RBFOX1: variants seen among roughly 807,000 people sequenced by gnomAD.
RBFOX1 encodes RNA binding fox-1 homolog 1, also known as RNA binding protein fox-1 homolog 1.
A neutral mutation model predicts 57.7 loss-of-function variants in RBFOX1; 8 were observed. The ratio of observed to expected loss-of-function variants is 0.14; its 90% CI spans 0.08 to 0.25. The LOEUF (loss-of-function observed/expected upper bound fraction) is 0.25, where lower values mean the gene tolerates loss of function less well. Among genes scored for constraint, RBFOX1 ranks in the 10% least tolerant of loss-of-function variants. The probability of loss-of-function intolerance (pLI) is 1.00; values close to 1 mark genes in which losing one functional copy is unlikely to be tolerated. For missense variants in RBFOX1, 611 were observed against 548.5 expected (o/e 1.11, Z -1.14); for synonymous variants, 326 against 222.4 (o/e 1.47, Z -4.15).
chr16:7,413,494 G>C (rs1265372018), intron 4 of RBFOX1, among the ~76,000 whole-genome samples: 1 of 152,016 alleles, frequency 6.6e-6, no homozygotes, highest in Non-Finnish European at 1.5e-5. Context: ...AACACTACCA[G>C]CCTGGGGACC....
At chr16:6,185,804 A>G (rs1216036382) in intron 1 of RBFOX1, among the ~76,000 whole-genome samples, 1 of 152,190 alleles carries the variant, frequency 6.6e-6, no homozygotes, top group Non-Finnish European at 1.5e-5. Flanking sequence ...TGATAATGAC[A>G]TGGTTGATGA....
chr16:6,650,423 G>A (rs1366381639), intron 2 of RBFOX1, among the ~76,000 whole-genome samples: 1 of 152,184 alleles, frequency 6.6e-6, no homozygotes, highest in East Asian at 1.9e-4. Context: ...AGCACCTGAT[G>A]AGGGATCACT....
At chr16:7,567,203 C>CTATATATATATATCCA (rs1377915471) in intron 5 of RBFOX1, among the ~76,000 whole-genome samples, 1 of 123,344 alleles carries the variant, frequency 8.1e-6, no homozygotes, top group Non-Finnish European at 1.9e-5. Context: ...ATATATATCC[C>CTATATATATATATCCA]TATATAAATA....
intron 4 of RBFOX1, among the ~76,000 whole-genome samples, chr16:7,220,977 G>C (rs2092684151): frequency 1.3e-5 from 2 of 152,114 alleles, no homozygotes; most frequent in Admixed American, 1.3e-4. Flanking sequence ...ACCTGTCCAG[G>C]TAAGACAAGT....
At chr16:7,456,276 T>C (rs1440377450) in intron 4 of RBFOX1, among the ~76,000 whole-genome samples, 1 of 152,182 alleles carries the variant, frequency 6.6e-6, no homozygotes, top group Non-Finnish European at 1.5e-5. Context: ...GACCCCCCCT[T>C]ATACAAATAC....
chr16:5,951,479 G>GTA (rs2059519237), intron 4 of RBFOX1, among the ~76,000 whole-genome samples: 2 of 151,914 alleles, frequency 1.3e-5, no homozygotes. Flanking sequence ...ATGTGTATGT[G>GTA]TATATATATG....
intron 4 of RBFOX1, among the ~76,000 whole-genome samples, chr16:7,223,775 G>C (rs1374359141): frequency 6.7e-6 from 1 of 149,814 alleles, no homozygotes; most frequent in East Asian, 2.0e-4. Flanking sequence ...GCAAAGTTTT[G>C]TTTTCATTTC....
intron 5 of RBFOX1, among the ~76,000 whole-genome samples, chr16:7,536,481 C>G (rs1473423367): frequency 6.6e-6 from 1 of 152,190 alleles, no homozygotes; most frequent in African/African-American, 2.4e-5. Flanking sequence ...GTAATCTCAG[C>G]TACTCAGGAG....
chr16:5,619,997 A>G (rs964991104), intron 3 of RBFOX1, among the ~76,000 whole-genome samples: 16 of 151,490 alleles, frequency 1.1e-4, no homozygotes, highest in Non-Finnish European at 1.5e-4. Context: ...AAAAAAAAAA[A>G]AAAGAAAGAA....
intron 3 of RBFOX1, among the ~76,000 whole-genome samples, chr16:6,770,735 C>T (rs565389155): frequency 1.3e-5 from 2 of 152,244 alleles, no homozygotes. Context: ...ATAGGCTGAG[C>T]TGTACCTGCT....
chr16:5,317,282 C>G (rs893825969), intron 1 of RBFOX1, among the ~76,000 whole-genome samples: 49 of 152,060 alleles, frequency 3.2e-4, no homozygotes, highest in Non-Finnish European at 6.3e-4. Flanking sequence ...ACAAAATCAC[C>G]TAGTCTGCAT....
rs1567177697 is a variant in RBFOX1 at position 5,946,887 on chromosome 16, A to T, written c.351+79552A>T. Among the ~76,000 whole-genome samples, 1 of 152,106 alleles carries T rather than the reference A, an allele frequency of 6.6e-6. No individual in the cohort carries two copies. The highest frequency in any genetic ancestry group is 1.5e-5 in the Non-Finnish European group (1 of 68,026). Reference sequence around the variant, plus strand: ...ACCCAACACATATGAGTGTAGAGGTATGCTGCTTGAGTGGAGAAACAGAGT... The same window carrying T: ...ACCCAACACATATGAGTGTAGAGGTTTGCTGCTTGAGTGGAGAAACAGAGT... On this transcript the variant is annotated intron_variant, in intron 4 of 19. Coordinates refer to the RBFOX1 transcript ENST00000641259. This position sits in a 1 kb window ranked among gnomAD's most constrained non-coding sequence, Gnocchi z 4.6.
At chr16:5,666,438 A>G (rs2049847173) in intron 3 of RBFOX1, among the ~76,000 whole-genome samples, 1 of 152,168 alleles carries the variant, frequency 6.6e-6, no homozygotes, top group Admixed American at 6.5e-5. Flanking sequence ...ATTCCATTGA[A>G]TTCACTTTGT....
chr16:6,340,825 A>T (rs377252979), intron 2 of RBFOX1, among the ~76,000 whole-genome samples: 3 of 152,110 alleles, frequency 2.0e-5, no homozygotes, highest in Non-Finnish European at 2.9e-5. Flanking sequence ...CGCAGCCCCT[A>T]TTCAATATGG....
chr16:5,966,363 C>T (rs1247807023), intron 4 of RBFOX1, among the ~76,000 whole-genome samples: 1 of 152,152 alleles, frequency 6.6e-6, no homozygotes, highest in Non-Finnish European at 1.5e-5. Flanking sequence ...CCTCATGGGG[C>T]TTTTGCTCAT....
At chr16:6,904,281 G>T (rs754242888) in intron 3 of RBFOX1, among the ~76,000 whole-genome samples, 2 of 152,130 alleles carry the variant, frequency 1.3e-5, no homozygotes, top group Non-Finnish European at 1.5e-5. Context: ...TTCTCTGTGA[G>T]GCACGAGTGG....
At chr16:6,706,320 G>C (rs8182151) in intron 3 of RBFOX1, among the ~76,000 whole-genome samples, 74,324 of 152,100 alleles carry the variant, frequency 0.49, 19,384 homozygotes, top group East Asian at 0.76. Flanking sequence ...AGGAGAAAAT[G>C]GAGTCATTGC....
At chr16:6,380,731 T>C (rs2091728773) in intron 2 of RBFOX1, among the ~76,000 whole-genome samples, 1 of 152,150 alleles carries the variant, frequency 6.6e-6, no homozygotes, top group Admixed American at 6.5e-5. Flanking sequence ...GTGTTAAGTA[T>C]AGGAACTCTG....
At chr16:5,551,975 CT>C (rs1326788100) in intron 2 of RBFOX1, among the ~76,000 whole-genome samples, 1 of 152,132 alleles carries the variant, frequency 6.6e-6, no homozygotes, top group African/African-American at 2.4e-5. Context: ...TGAACTCATT[CT>C]TTTTTATGCT....
Sources: allele counts gnomAD v4.1 joint callset (sites outside exome capture counted in the v4.1 genomes callset), GRCh38; gene constraint gnomAD v4.1.1; non-coding constraint Gnocchi (gnomAD v3.1); transcripts MANE v1.5; gene names NCBI Gene and HGNC (gene_info 2026-07-23, HGNC 2026-07-21).